The following MFSD11 variants were observed in gnomAD, a reference collection of about 807,000 sequenced individuals.
The protein encoded by MFSD11 is major facilitator superfamily domain containing 11, also known as UNC93-like protein MFSD11.
A neutral mutation model predicts 53.5 loss-of-function variants in MFSD11; 36 were observed. The observed-to-expected ratio is 0.67, with a 90% CI of 0.52 to 0.89. MFSD11 has a LOEUF of 0.89. Among genes scored for constraint, MFSD11 ranks in the 40% least tolerant of loss-of-function variants. The probability of loss-of-function intolerance (pLI) is 0.00; values close to 1 mark genes in which losing one functional copy is unlikely to be tolerated. For synonymous variants in MFSD11, 186 were observed against 184.9 expected (o/e 1.01, Z -0.05); for missense variants, 530 against 543.9 (o/e 0.97, Z 0.25).
At chr17:76,767,362 A>G in intron 8 of MFSD11, 24 bp from the exon 9 acceptor site, 1 of 1,424,810 alleles carries the variant, frequency 7.0e-7, no homozygotes, top group South Asian at 1.2e-5. Context: ...CTAATTAAGT[A>G]CTCTTAAATT....
chr17:76,776,459 T>G lies in MFSD11; in HGVS notation c.1103T>G (p.Phe368Cys). The change falls in exon 12 of 13, where the codon TTT becomes TGT. Residue 368 changes from phenylalanine to cysteine, a missense_variant. Transcript: ENST00000685175. The surrounding 1 kb of genome is among the most constrained non-coding windows in gnomAD (Gnocchi z 4.2). ...SFLLGLGDSC[F>C]NTQLLSILGF... ...CTGTTGGGCCTTGGAGACAGCTGCTTTAATACCCAGCTGCTTAGTATCTTG... is the reference window on the plus strand; with the variant it reads ...CTGTTGGGCCTTGGAGACAGCTGCTGTAATACCCAGCTGCTTAGTATCTTG... 1 of 1,614,096 alleles carries G rather than the reference T, an allele frequency of 6.2e-7. No homozygotes were observed. Among genetic ancestry groups the G allele is most frequent in the South Asian group, 1.1e-5 (1 of 91,074 alleles).
chr17:76,744,582 C>A, intron 7 of MFSD11, 116 bp downstream of exon 7: 9 of 870,240 alleles, frequency 1.0e-5, no homozygotes, highest in Middle Eastern at 3.7e-4. Context: ...TAGGTTACCA[C>A]AGGCAAGAAA....
At position 76,738,812 on chromosome 17, in the gene MFSD11, A is replaced by G. The variant is rs567575906; in HGVS notation, c.97-126A>G. On this transcript the variant is annotated intron_variant, in intron 1 of 12. Transcript: ENST00000685175. ...TGTCCTTTTTCTTTTCTCATAATGGACTTCAGTATTAAGTACATTATGAAC... is the reference window on the plus strand; with the variant it reads ...TGTCCTTTTTCTTTTCTCATAATGGGCTTCAGTATTAAGTACATTATGAAC... The G allele has an allele frequency of 4.2e-5, 30 of 709,610 alleles. No individual in the cohort carries two copies. In the African/African-American group the frequency reaches 4.8e-4, roughly 11 times the overall value. The allele number at this position is 709,610 out of a possible 1,614,324, so 44.0% of individuals were successfully genotyped here. A position where few individuals can be genotyped will look rare whatever the true frequency, so the allele number is the denominator to read the frequency against.
At chr17:76,752,924 G>A (rs1029568776) in intron 7 of MFSD11, 2 of 151,956 alleles carry the variant, frequency 1.3e-5, no homozygotes, top group African/African-American at 4.8e-5. Context: ...GCTCACTTCG[G>A]CAGCACAAAT....
At chr17:76,765,430 T>C (rs2080742057) in intron 8 of MFSD11, among the ~76,000 whole-genome samples, 1 of 151,488 alleles carries the variant, frequency 6.6e-6, no homozygotes, top group African/African-American at 2.4e-5. Flanking sequence ...TTATTTTGGC[T>C]ATTGTGGGTC....
At chr17:76,745,761 CTA>C (rs1441869063) in intron 7 of MFSD11, among the ~76,000 whole-genome samples, 3 of 152,076 alleles carry the variant, frequency 2.0e-5, no homozygotes, top group African/African-American at 7.2e-5. Flanking sequence ...ACAATAGCCT[CTA>C]TGTGTTAAAG....
rs2079082441 is a variant in MFSD11 at position 76,751,896 on chromosome 17, A to G, written c.642-2151A>G. Reference sequence around the variant, plus strand: ...AATGAAGTCACTTGTCTAAAATCACACAACTAATTAGCAGCAAAGCCAGGC... The same window carrying G: ...AATGAAGTCACTTGTCTAAAATCACGCAACTAATTAGCAGCAAAGCCAGGC... On this transcript the variant is annotated intron_variant, in intron 7 of 12. Transcript: ENST00000685175. Among the ~76,000 whole-genome samples, 3 of 152,156 alleles carry G rather than the reference A, an allele frequency of 2.0e-5. No individual in the cohort carries two copies. In the South Asian group the frequency reaches 6.2e-4, roughly 31 times the overall value.
At chr17:76,796,810 CCAAAA>C in the MFSD11 span, among the ~76,000 whole-genome samples, 1 of 20,900 alleles carries the variant, frequency 4.8e-5, no homozygotes, top group Non-Finnish European at 1.3e-4. Context: ...ACTAAAAATA[CCAAAA>C]AAAAAAAAAA....
At chr17:76,793,273 A>G in the MFSD11 span, among the ~76,000 whole-genome samples, 1 of 151,390 alleles carries the variant, frequency 6.6e-6, no homozygotes, top group Non-Finnish European at 1.5e-5. Context: ...CGACCATAGA[A>G]GATGGCCACA....
At chr17:76,758,737 T>C (rs1025884037) in intron 8 of MFSD11, among the ~76,000 whole-genome samples, 2 of 151,884 alleles carry the variant, frequency 1.3e-5, no homozygotes, top group African/African-American at 4.8e-5. Context: ...GTATAAACAC[T>C]CCAGTAGAAA....
chr17:76,737,310 C>T (rs542438039), upstream of MFSD11: 53 of 1,126,098 alleles, frequency 4.7e-5, no homozygotes, highest in African/African-American at 6.6e-4. Flanking sequence ...GCTCCGCAGG[C>T]TAGCGCACCT....
the MFSD11 span, among the ~76,000 whole-genome samples, chr17:76,798,441 G>C: frequency 6.6e-6 from 1 of 152,154 alleles, no homozygotes; most frequent in African/African-American, 2.4e-5. Flanking sequence ...TGGGTGGGAT[G>C]AAACGCCCAA....
the MFSD11 span, among the ~76,000 whole-genome samples, chr17:76,792,061 C>T: frequency 2.7e-5 from 4 of 148,584 alleles, 1 homozygote; most frequent in African/African-American, 1.0e-4. Context: ...CCTTCCAAAG[C>T]GAATTTTCTC....
chr17:76,791,513 G>C, the MFSD11 span, among the ~76,000 whole-genome samples: 1 of 148,894 alleles, frequency 6.7e-6, no homozygotes, highest in Admixed American at 6.7e-5. Context: ...TGTAGACACT[G>C]TGAGAACATG....
At chr17:76,743,280 A>T in intron 5 of MFSD11, 118 bp from the exon 6 acceptor site, 2 of 675,802 alleles carry the variant, frequency 3.0e-6, no homozygotes, top group Middle Eastern at 3.6e-4. Flanking sequence ...TAGATACTTT[A>T]AAAATGATGT....
intron 8 of MFSD11, among the ~76,000 whole-genome samples, chr17:76,764,984 T>G (rs2080689353): frequency 6.6e-6 from 1 of 152,220 alleles, no homozygotes; most frequent in Admixed American, 6.5e-5. Context: ...GGGGATGTCT[T>G]ACTGTGGCTT....
downstream of MFSD11, among the ~76,000 whole-genome samples, chr17:76,780,579 A>G (rs1207990419): frequency 6.6e-6 from 1 of 150,730 alleles, no homozygotes; most frequent in Non-Finnish European, 1.5e-5. Context: ...GCAGTGGCGC[A>G]ATCTTGGCTC....
the MFSD11 span, among the ~76,000 whole-genome samples, chr17:76,794,392 G>A: frequency 2.7e-5 from 4 of 149,484 alleles, no homozygotes; most frequent in South Asian, 2.1e-4. Flanking sequence ...CAGGAGAATT[G>A]CTTGAACCCA....
upstream of MFSD11, chr17:76,737,712 C>T (rs980430303): frequency 1.2e-5 from 2 of 171,608 alleles, no homozygotes; most frequent in Non-Finnish European, 1.3e-5. Context: ...CCGTCTCCGT[C>T]TGAAGAGTGC....
Sources: allele counts gnomAD v4.1 joint callset (sites outside exome capture counted in the v4.1 genomes callset), GRCh38; gene constraint gnomAD v4.1.1; non-coding constraint Gnocchi (gnomAD v3.1); transcripts MANE v1.5; gene names NCBI Gene and HGNC (gene_info 2026-07-23, HGNC 2026-07-21).